LY75: variants seen among roughly 807,000 people sequenced by gnomAD.
LY75 encodes C-type lectin domain family 13 member B.
LY75 carries 185 observed loss-of-function variants against 231.7 expected under a neutral mutation model. That is an observed-to-expected ratio of 0.80 (90% confidence interval 0.71 to 0.90). LY75 has a LOEUF of 0.90. LY75 is among the 40% of genes least tolerant of loss of function. The pLI, the probability that LY75 is intolerant of heterozygous loss-of-function variation, is 0.00. For synonymous variants in LY75, 668 were observed against 689.0 expected, an observed-to-expected ratio of 0.97 and a Z score of 0.48; for missense variants, 1,947 against 2,050.2, an observed-to-expected ratio of 0.95 and a Z score of 0.97.
chr2:159,889,593 T>C (rs1319631336), intron 4 of LY75, among the ~76,000 whole-genome samples: 1 of 152,206 alleles, frequency 6.6e-6, no homozygotes, highest in African/African-American at 2.4e-5. Context: ...GGTTTGTTAT[T>C]GAAATTAACA....
In LY75 at chr2:159,882,245, C is replaced by A; in HGVS notation, c.1125G>T (p.Leu375=). The part of the protein sequence containing the change: ...WLPNNGFCYL[L]VNESNSWDKA... Reference sequence around the variant, plus strand: ...TATCCCAGGAATTACTTTCATTTACCAGCAGATAGCAAAATCCATTATTTG... The same window carrying A: ...TATCCCAGGAATTACTTTCATTTACAAGCAGATAGCAAAATCCATTATTTG... The change falls in exon 7 of 35, where the codon CTG becomes CTT. Residue 375 remains leucine (L), a synonymous_variant. Transcript: ENST00000263636. 1 of 1,614,018 alleles carries A rather than the reference C, an allele frequency of 6.2e-7. No individual in the cohort carries two copies. The highest frequency in any genetic ancestry group is 2.2e-5 in the East Asian group (1 of 44,880).
rs945604427 is a variant in LY75, at chr2:159,885,308, T to C, written c.914-15A>G. 5 of 1,608,734 alleles carry C rather than the reference T, an allele frequency of 3.1e-6. No individual in the cohort carries two copies. The highest frequency in any genetic ancestry group is 3.4e-6 in the Non-Finnish European group (4 of 1,177,304). ...ACTGGGCCTGTCTTAAAAGGGAACATTTTTCAAAGCATTAGAATGAGAAAG... is the reference window on the plus strand; with the variant it reads ...ACTGGGCCTGTCTTAAAAGGGAACACTTTTCAAAGCATTAGAATGAGAAAG... On this transcript the variant is annotated splice_polypyrimidine_tract_variant and intron_variant, in intron 5 of 34. Transcript: ENST00000263636.
Position 159,904,728 on chromosome 2 carries a change from GC to G in LY75, c.-47del. The G allele has an allele frequency of 5.8e-6, 8 of 1,373,064 alleles. No individual in the cohort carries two copies. The highest frequency in any genetic ancestry group is 7.5e-6 in the Non-Finnish European group (8 of 1,069,996). 85.1% of individuals were successfully genotyped at this position (1,373,064 alleles called of 1,614,324 possible). On this transcript the variant is annotated 5_prime_UTR_variant, in exon 1 of 35. Coordinates refer to ENST00000263636, the MANE Select transcript of LY75 (RefSeq NM_002349.4). ...CCGGCCGGGTCCTCGGGCGCACGCG[GC>G]TCCCGCCCCGCCTGCTGAGCGCGGC...
At chr2:159,891,570 C>T (rs1220049527) in intron 3 of LY75, among the ~76,000 whole-genome samples, 2 of 152,138 alleles carry the variant, frequency 1.3e-5, no homozygotes, top group Admixed American at 1.3e-4. Context: ...CTTTCTCTTG[C>T]TTCTTCCATA....
chr2:159,853,623 C>T lies in LY75; in HGVS notation c.2663+7G>A, dbSNP rs777976856. 3 of 1,613,292 alleles carry T rather than the reference C, an allele frequency of 1.9e-6. No homozygotes were observed. The highest frequency in any genetic ancestry group is 4.5e-5 in the East Asian group (2 of 44,784). ...TTTACAAAGGTAGAATCAATGATGT[C>T]ACCTACTATGTAAAATGATCATCTA... On this transcript the variant is annotated splice_region_variant and intron_variant, in intron 19 of 34. Transcript: ENST00000263636.
chr2:159,831,252 A>G (rs1397554593), intron 28 of LY75, among the ~76,000 whole-genome samples: 1 of 151,612 alleles, frequency 6.6e-6, no homozygotes, highest in African/African-American at 2.4e-5. Flanking sequence ...AGTGTGTAGC[A>G]CCTCCTCCTT....
rs1320156704 is a variant in LY75 at position 159,904,614 on chromosome 2, A to T, written c.69T>A (p.Asp23Glu). 2.0e-6 allele frequency: 3 copies of T among 1,509,924 alleles called. No homozygotes were observed. Among genetic ancestry groups the T allele is most frequent in the Middle Eastern group, 1.7e-4 (1 of 5,874 alleles). The allele number at this position is 1,509,924 out of a possible 1,614,324, so 93.5% of individuals were successfully genotyped here. A position where few individuals can be genotyped will look rare whatever the true frequency, so the allele number is the denominator to read the frequency against. Reference sequence around the variant, plus strand: ...CTGCGCGGCCAGAGGGCTCCGCGAGATCGAAGAACCAGAAGAGCAGCATGA... The same window carrying T: ...CTGCGCGGCCAGAGGGCTCCGCGAGTTCGAAGAACCAGAAGAGCAGCATGA... ...GLLMLLFWFFDLAEPSGRAAN... is the reference protein window; with the variant it reads ...GLLMLLFWFFELAEPSGRAAN... Residue 23 changes from aspartate (D) to glutamate (E), a missense_variant, in exon 1 of 35, where the codon GAT becomes GAA. Transcript: ENST00000263636.
chr2:159,812,556 C>T (rs1013178794), intron 31 of LY75, among the ~76,000 whole-genome samples: 1 of 152,076 alleles, frequency 6.6e-6, no homozygotes, highest in African/African-American at 2.4e-5. Context: ...GGATTACAGG[C>T]ATGTACTACT....
chr2:159,887,566 C>CCAAAAAAAAAA (rs1685629662), intron 4 of LY75, among the ~76,000 whole-genome samples: 1 of 103,828 alleles, frequency 9.6e-6, no homozygotes, highest in Non-Finnish European at 1.8e-5. Context: ...TCAACAACAA[C>CCAAAAAAAAAA]AAAAAAAAAA....
intron 2 of LY75, 49 bp downstream of exon 2, chr2:159,898,637 CAT>C (rs746864969): frequency 1.3e-6 from 2 of 1,567,100 alleles, no homozygotes; most frequent in South Asian, 1.2e-5. Flanking sequence ...TTTAATGCCA[CAT>C]GTGACAAGCA....
At chr2:159,877,618 C>T (rs1346169900) in intron 11 of LY75, among the ~76,000 whole-genome samples, 1 of 152,100 alleles carries the variant, frequency 6.6e-6, no homozygotes, top group Non-Finnish European at 1.5e-5. Flanking sequence ...ACCTGTAATC[C>T]CAGCACTTTG....
rs991166179 is a variant in LY75, at chr2:159,804,043, A to C, written c.*1001T>G. The stretch of plus-strand genomic sequence containing the variant: ...CACACTGCTACAAGGTACCTACTCA[A>C]TCTAAAAATAATGTTCCCACACTTG... On this transcript the variant is annotated 3_prime_UTR_variant, in exon 35 of 35. Transcript: ENST00000263636. 2.0e-5 allele frequency: 3 copies of C among 152,226 alleles called. No individual in the cohort carries two copies. The highest frequency in any genetic ancestry group is 2.0e-4 in the Admixed American group (3 of 15,288). 9.4% of individuals were successfully genotyped at this position (152,226 alleles called of 1,614,324 possible).
chr2:159,879,277 CT>C lies in LY75; in HGVS notation c.1496del (p.Lys499ArgfsTer32), dbSNP rs772188531. The C allele has an allele frequency of 3.1e-6, 5 of 1,613,458 alleles. No individual in the cohort carries two copies. Among genetic ancestry groups the C allele is most frequent in the Non-Finnish European group, 4.2e-6 (5 of 1,179,838 alleles). On this transcript the variant is annotated frameshift_variant, in exon 9 of 35. Coordinates refer to ENST00000263636, the MANE Select transcript of LY75 (RefSeq NM_002349.4). LOFTEE classifies it high-confidence loss of function. ...TACCTACCTCATCTGGAGGACACATCTTATCAGAACTTGCGTCATTCAGTTT... is the reference window on the plus strand; with the variant it reads ...TACCTACCTCATCTGGAGGACACATCTATCAGAACTTGCGTCATTCAGTTT... ...GEKLNDASSD[K>X]MCPPDEGWKR...
rs775708895 is a variant in LY75 at position 159,852,283 on chromosome 2, T to C, written c.2801A>G (p.Asn934Ser). 6.8e-6 allele frequency: 11 copies of C among 1,613,956 alleles called. No individual in the cohort carries two copies. Among genetic ancestry groups the C allele is most frequent in the Middle Eastern group, 3.3e-4 (2 of 6,060 alleles). ...TKLPFICEKY[N>S]VSSLEKYSPD... ...GCTGTATTTCTCTAACGAAGAAACA[T>C]TATATTTTTCACAGATGAAGGGCAA... The change falls in exon 21 of 35, where the codon AAT becomes AGT. Residue 934 changes from asparagine to serine, a missense_variant. Asn to Ser is a conservative substitution (Grantham distance 46, BLOSUM62 1). Transcript: ENST00000263636.
chr2:159,814,451 C>T (rs1683056359), intron 31 of LY75, among the ~76,000 whole-genome samples: 2 of 152,006 alleles, frequency 1.3e-5, no homozygotes, highest in Non-Finnish European at 2.9e-5. Flanking sequence ...GATCCTAGTT[C>T]AAGACCAGCT....
intron 3 of LY75, among the ~76,000 whole-genome samples, chr2:159,891,816 G>A (rs1401520907): frequency 1.3e-5 from 2 of 152,202 alleles, no homozygotes; most frequent in East Asian, 3.8e-4. Context: ...ACTGATCTGG[G>A]CCTTCTGCCT....
In LY75 at chr2:159,853,290, G is replaced by A; in HGVS notation, c.2726C>T (p.Ala909Val). 1 of 1,612,766 alleles carries A rather than the reference G, an allele frequency of 6.2e-7. No individual in the cohort carries two copies. The highest frequency in any genetic ancestry group is 8.5e-7 in the Non-Finnish European group (1 of 1,179,058). Residue 909 changes from alanine to valine, a missense_variant, in exon 20 of 35, where the codon GCC becomes GTC. Ala to Val is a moderately conservative substitution (Grantham distance 64). Coordinates refer to ENST00000263636, the MANE Select transcript of LY75 (RefSeq NM_002349.4). The part of the protein sequence containing the change: ...TFGEECLYMS[A>V]KTWLIDLGKP... ...AACTTTACCGATAAGCCAAGTCTTGGCAGACATGTACAAGCATTCCTCTCC... is the reference window on the plus strand; with the variant it reads ...AACTTTACCGATAAGCCAAGTCTTGACAGACATGTACAAGCATTCCTCTCC...
chr2:159,875,715 C>G lies in LY75; in HGVS notation c.1775-72G>C. On this transcript the variant is annotated intron_variant, in intron 11 of 34. Coordinates refer to ENST00000263636, the MANE Select transcript of LY75 (RefSeq NM_002349.4). ...TCAAACATTTTCTAGTGTTTCTACT[C>G]TTTACTTCAGCCAAGTTGGGGAGAG... 11 of 1,559,320 alleles carry G rather than the reference C, an allele frequency of 7.1e-6. No homozygotes were observed. The South Asian group carries it at 1.1e-4, about 15-fold the overall frequency.
At chr2:159,857,674 AGAGGCTGCAGT>A (rs1224357487) in intron 16 of LY75, among the ~76,000 whole-genome samples, 2 of 152,168 alleles carry the variant, frequency 1.3e-5, no homozygotes, top group African/African-American at 2.4e-5. Flanking sequence ...CCTGGGAGGC[AGAGGCTGCAGT>A]GAGCCAAGAT....
Sources: allele counts gnomAD v4.1 joint callset (sites outside exome capture counted in the v4.1 genomes callset), GRCh38; gene constraint gnomAD v4.1.1; transcripts MANE v1.5; gene names NCBI Gene and HGNC (gene_info 2026-07-23, HGNC 2026-07-21).